The following CDH13 variants were observed in gnomAD, a reference collection of about 807,000 sequenced individuals.
CDH13 encodes cadherin-13.
CDH13 carries 24 observed loss-of-function variants against 63.8 expected under a neutral mutation model. The observed-to-expected ratio is 0.38, with a 90% confidence interval of 0.27 to 0.53. CDH13 has a LOEUF of 0.53. CDH13 is among the 20% of genes least tolerant of loss of function. CDH13 has a pLI of 0.85. For synonymous variants in CDH13, 503 were observed against 355.3 expected (o/e 1.42, Z -4.67); for missense variants, 1,049 against 903.1 (o/e 1.16, Z -2.07).
chr16:82,867,646 A>G (rs533191755), intron 2 of CDH13, among the ~76,000 whole-genome samples: 4 of 152,268 alleles, frequency 2.6e-5, no homozygotes, highest in African/African-American at 7.2e-5. Flanking sequence ...ATGGCTTTTG[A>G]GGGTGCTTTT....
rs767727104 is a variant in CDH13 at position 82,729,838 on chromosome 16, T to C, written c.45+102701T>C. Among the ~76,000 whole-genome samples the C allele has an allele frequency of 2.0e-5, 3 of 152,232 alleles. No homozygotes were observed. In the East Asian group the frequency reaches 5.8e-4, roughly 29 times the overall value. ...TGTTTAGTGTAGCCACCTTTGTCGA[T>C]GATCTTAGCTAGATCTTCTGGAAAA... On this transcript the variant is annotated intron_variant, in intron 1 of 13. Coordinates refer to ENST00000567109, the MANE Select transcript of CDH13 (RefSeq NM_001257.5).
At chr16:82,952,957 A>G (rs1905509121) in intron 2 of CDH13, among the ~76,000 whole-genome samples, 1 of 152,244 alleles carries the variant, frequency 6.6e-6, no homozygotes, top group Non-Finnish European at 1.5e-5. Flanking sequence ...AAGGGAGAGT[A>G]AATTCAGAGG....
intron 5 of CDH13, among the ~76,000 whole-genome samples, chr16:83,220,106 G>A (rs746000311): frequency 2.0e-5 from 3 of 152,176 alleles, no homozygotes; most frequent in Admixed American, 6.5e-5. Context: ...ATGGGCTCAT[G>A]AGGGCCTACT....
At position 83,464,069 on chromosome 16, in the gene CDH13, ATTGTT is replaced by A. The variant is rs553465575; in HGVS notation, c.782-22389_782-22385del. 8.5e-5 allele frequency among the ~76,000 whole-genome samples: 13 copies of A among 152,140 alleles called. No individual in the cohort carries two copies. In the East Asian group the frequency reaches 1.4e-3, roughly 16 times the overall value. On this transcript the variant is annotated intron_variant, in intron 6 of 13. Coordinates refer to ENST00000567109, the MANE Select transcript of CDH13 (RefSeq NM_001257.5). ...TTATGCTATGTTCTAGGGGGATTTT[ATTGTT>A]TTGTTTTGTTTTGTTTTGAGACAGA...
intron 3 of CDH13, among the ~76,000 whole-genome samples, chr16:83,057,432 C>G (rs1257717198): frequency 6.6e-6 from 1 of 152,138 alleles, no homozygotes; most frequent in African/African-American, 2.4e-5. Context: ...AAAAAATTCA[C>G]CAAACTGTAC....
At chr16:83,542,040 G>C (rs570773233) in intron 7 of CDH13, among the ~76,000 whole-genome samples, 5 of 152,208 alleles carry the variant, frequency 3.3e-5, no homozygotes, top group African/African-American at 1.2e-4. Context: ...GCTCCTTACA[G>C]TGTAGGCCAT....
At chr16:83,189,808 A>G (rs1197183864) in intron 4 of CDH13, among the ~76,000 whole-genome samples, 2 of 152,168 alleles carry the variant, frequency 1.3e-5, no homozygotes, top group African/African-American at 4.8e-5. Flanking sequence ...TGTAGTTCCC[A>G]TAATCCCCAC....
intron 6 of CDH13, among the ~76,000 whole-genome samples, chr16:83,470,201 G>A (rs2073419456): frequency 6.6e-6 from 1 of 152,100 alleles, no homozygotes. Flanking sequence ...TGCTGCTGGT[G>A]TTTTTCTGTG....
intron 8 of CDH13, among the ~76,000 whole-genome samples, chr16:83,624,402 AAC>A (rs968987041): frequency 6.0e-5 from 9 of 150,866 alleles, no homozygotes; most frequent in Admixed American, 5.3e-4. Flanking sequence ...GGTTTCGTAG[AAC>A]ACAATTTTTT....
chr16:82,877,852 T>A (rs1166350539), intron 2 of CDH13, among the ~76,000 whole-genome samples: 4 of 150,058 alleles, frequency 2.7e-5, no homozygotes, highest in African/African-American at 9.8e-5. Context: ...AGGGAAGACC[T>A]GAACCTCTAG....
At chr16:83,311,872 C>T (rs188097024) in intron 5 of CDH13, among the ~76,000 whole-genome samples, 1 of 152,108 alleles carries the variant, frequency 6.6e-6, no homozygotes, top group South Asian at 2.1e-4. Context: ...GTTAGGATTT[C>T]GAGACCAACC....
chr16:82,843,502 G>A (rs1344521504), intron 1 of CDH13, among the ~76,000 whole-genome samples: 1 of 152,120 alleles, frequency 6.6e-6, no homozygotes, highest in Non-Finnish European at 1.5e-5. Context: ...TCAGTTCCTT[G>A]CTTTCCACAC....
intron 2 of CDH13, among the ~76,000 whole-genome samples, chr16:82,994,080 C>T (rs1242182174): frequency 3.3e-5 from 5 of 152,120 alleles, no homozygotes; most frequent in African/African-American, 7.2e-5. Flanking sequence ...CATCTGGCTC[C>T]CACCCTCCAT....
At chr16:82,740,161 A>G (rs1239784337) in intron 1 of CDH13, among the ~76,000 whole-genome samples, 1 of 152,216 alleles carries the variant, frequency 6.6e-6, no homozygotes, top group Non-Finnish European at 1.5e-5. Flanking sequence ...CTTATTTACA[A>G]TATGGACTGA....
rs192322851 is a variant in CDH13 at position 83,621,437 on chromosome 16, C to G, written c.1101+18843C>G. 4.4e-3 allele frequency among the ~76,000 whole-genome samples: 616 copies of G among 138,940 alleles called. 1 individual carries two copies. The highest frequency in any genetic ancestry group is 0.012 in the Middle Eastern group (3 of 246). 91.2% of individuals were successfully genotyped at this position (138,940 alleles called of 152,430 possible). On this transcript the variant is annotated intron_variant, in intron 8 of 13. Coordinates refer to ENST00000567109, the MANE Select transcript of CDH13 (RefSeq NM_001257.5). ...CCACTCTGCTTGAACTTGCAAACTT[C>G]AACTTACTGCTGGCCCTCTTGCTCT...
At chr16:83,331,151 A>C (rs2090472686) in intron 5 of CDH13, among the ~76,000 whole-genome samples, 3 of 152,212 alleles carry the variant, frequency 2.0e-5, no homozygotes, top group Non-Finnish European at 4.4e-5. Context: ...CTTAAAGTAC[A>C]GTCTCCCTGA....
In CDH13 at chr16:83,045,634, T is replaced by TAAAAAAA. The variant is rs71382861; in HGVS notation, c.366+13435_366+13441dup. ...TCTGGGCGACAGATCAAGATTCCTT[T>TAAAAAAA]AAAAAAAAAAAAAAAAAAAAAAAAA... On this transcript the variant is annotated intron_variant, in intron 3 of 13. Transcript: ENST00000567109. Among the ~76,000 whole-genome samples the TAAAAAAA allele has an allele frequency of 5.9e-3, 641 of 107,848 alleles. 6 individuals carry two copies. Among genetic ancestry groups the TAAAAAAA allele is most frequent in the Non-Finnish European group, 9.0e-3 (491 of 54,674 alleles). 70.8% of individuals were successfully genotyped at this position (107,848 alleles called of 152,430 possible).
At chr16:83,680,343 G>A (rs911573413) in intron 10 of CDH13, among the ~76,000 whole-genome samples, 25 of 152,188 alleles carry the variant, frequency 1.6e-4, no homozygotes, top group Admixed American at 1.0e-3. Flanking sequence ...GATGTTCCCA[G>A]ATACACAGCA....
intron 2 of CDH13, among the ~76,000 whole-genome samples, chr16:82,889,684 G>T (rs573633449): frequency 3.9e-5 from 6 of 152,328 alleles, no homozygotes; most frequent in African/African-American, 1.2e-4. Flanking sequence ...TTCTGACAGG[G>T]TTACACATGA....
Sources: allele counts gnomAD v4.1 joint callset (sites outside exome capture counted in the v4.1 genomes callset), GRCh38; gene constraint gnomAD v4.1.1; transcripts MANE v1.5; gene names NCBI Gene and HGNC (gene_info 2026-07-23, HGNC 2026-07-21).